PTPRR: variants seen among roughly 807,000 people sequenced by gnomAD.
The protein encoded by PTPRR is receptor-type tyrosine-protein phosphatase R.
PTPRR carries 38 observed loss-of-function variants against 77.2 expected under a neutral mutation model. That is an observed-to-expected ratio of 0.49 (90% CI 0.38 to 0.65). The LOEUF is 0.65. Ranked by LOEUF, PTPRR falls within the 30% of genes least tolerant of loss-of-function variation. PTPRR has a pLI of 0.00. For synonymous variants in PTPRR, 299 were observed against 283.1 expected, an observed-to-expected ratio of 1.06 and a Z score of -0.57; for missense variants, 744 against 799.2, an observed-to-expected ratio of 0.93 and a Z score of 0.83.
At position 70,662,549 on chromosome 12, in the gene PTPRR, C is replaced by G; in HGVS notation, c.1554G>C (p.Leu518=). Residue 518 remains leucine (L), a synonymous_variant, in exon 11 of 14, where the codon CTG becomes CTC. Coordinates refer to ENST00000283228, the MANE Select transcript of PTPRR (RefSeq NM_002849.4). ...KRGIYGKVEV[L]VISVNECDNY... ...TATCACATTCATTTACACTGATAACCAGAACCTCAACTTTTCCATATATCC... is the reference window on the plus strand; with the variant it reads ...TATCACATTCATTTACACTGATAACGAGAACCTCAACTTTTCCATATATCC... 1 of 1,612,708 alleles carries G rather than the reference C, an allele frequency of 6.2e-7. No homozygotes were observed. The highest frequency in any genetic ancestry group is 8.5e-7 in the Non-Finnish European group (1 of 1,179,196).
At chr12:70,864,362 G>C (rs1212163831) in intron 2 of PTPRR, among the ~76,000 whole-genome samples, 1 of 152,140 alleles carries the variant, frequency 6.6e-6, no homozygotes, top group Non-Finnish European at 1.5e-5. Context: ...GGAGTCCTTG[G>C]CTTAGGAATC....
chr12:70,909,063 A>G (rs1444977771), intron 1 of PTPRR, among the ~76,000 whole-genome samples: 1 of 152,168 alleles, frequency 6.6e-6, no homozygotes, highest in Non-Finnish European at 1.5e-5. Flanking sequence ...GTAAACTTCA[A>G]GACATGAAGG....
At chr12:70,855,907 A>C (rs1892643900) in intron 2 of PTPRR, among the ~76,000 whole-genome samples, 1 of 152,164 alleles carries the variant, frequency 6.6e-6, no homozygotes, top group Admixed American at 6.6e-5. Flanking sequence ...TATTATAGGT[A>C]GTTGGAGACA....
intron 2 of PTPRR, among the ~76,000 whole-genome samples, chr12:70,863,433 C>T (rs1892787101): frequency 6.6e-6 from 1 of 152,106 alleles, no homozygotes; most frequent in Admixed American, 6.6e-5. Flanking sequence ...TGTAATGTTA[C>T]ATCTATTATT....
At chr12:70,710,119 G>C (rs1327803926) in intron 6 of PTPRR, among the ~76,000 whole-genome samples, 1 of 152,090 alleles carries the variant, frequency 6.6e-6, no homozygotes, top group Admixed American at 6.6e-5. Flanking sequence ...AAAGAACAAA[G>C]CTGGAGGCAT....
intron 1 of PTPRR, among the ~76,000 whole-genome samples, chr12:70,909,232 G>A (rs542292919): frequency 6.6e-6 from 1 of 152,234 alleles, no homozygotes; most frequent in Non-Finnish European, 1.5e-5. Flanking sequence ...CTTAACCCAA[G>A]GGGAGACAGG....
chr12:70,901,857 C>T (rs1333679961), intron 1 of PTPRR, among the ~76,000 whole-genome samples: 1 of 151,598 alleles, frequency 6.6e-6, no homozygotes, highest in Non-Finnish European at 1.5e-5. Context: ...AGAAAATCTT[C>T]ACAATCTATT....
chr12:70,845,924 T>C (rs1212212365), intron 2 of PTPRR, among the ~76,000 whole-genome samples: 1 of 152,150 alleles, frequency 6.6e-6, no homozygotes, highest in African/African-American at 2.4e-5. Flanking sequence ...TGACCAATTG[T>C]TTCAGAGTGT....
At chr12:70,905,252 G>T (rs1893603758) in intron 1 of PTPRR, among the ~76,000 whole-genome samples, 1 of 151,812 alleles carries the variant, frequency 6.6e-6, no homozygotes, top group Non-Finnish European at 1.5e-5. Context: ...TGTGTAGAAG[G>T]AGATGAAGTC....
chr12:70,727,190 T>C (rs1156511909), intron 6 of PTPRR, among the ~76,000 whole-genome samples: 1 of 151,818 alleles, frequency 6.6e-6, no homozygotes, highest in East Asian at 1.9e-4. Flanking sequence ...GGATCCTAAT[T>C]GGATGGAACT....
intron 13 of PTPRR, among the ~76,000 whole-genome samples, chr12:70,645,786 C>T (rs935296109): frequency 2.6e-5 from 4 of 151,838 alleles, no homozygotes; most frequent in Non-Finnish European, 4.4e-5. Context: ...CAGAACAGCA[C>T]GTAGCTGTGT....
At chr12:70,880,028 CT>C (rs1432923302) in intron 2 of PTPRR, among the ~76,000 whole-genome samples, 2 of 152,086 alleles carry the variant, frequency 1.3e-5, no homozygotes, top group African/African-American at 4.8e-5. Context: ...AATCATGATT[CT>C]CTGCATTTAA....
intron 10 of PTPRR, among the ~76,000 whole-genome samples, chr12:70,665,700 G>A (rs1592649873): frequency 6.6e-6 from 1 of 151,502 alleles, no homozygotes; most frequent in South Asian, 2.1e-4. Context: ...ATATTTTTGT[G>A]ATCTTTTTTC....
chr12:70,889,551 A>C (rs1893298401), intron 2 of PTPRR, among the ~76,000 whole-genome samples: 1 of 152,188 alleles, frequency 6.6e-6, no homozygotes, highest in Admixed American at 6.5e-5. Context: ...CACAGAAACA[A>C]TAGAATGTCT....
intron 6 of PTPRR, among the ~76,000 whole-genome samples, chr12:70,726,425 T>C (rs1471224559): frequency 4.6e-5 from 7 of 152,078 alleles, no homozygotes; most frequent in Non-Finnish European, 8.8e-5. Context: ...CCTGCAGCCA[T>C]GGTTTTCCTT....
At chr12:70,784,352 C>T (rs1420433486) in intron 2 of PTPRR, among the ~76,000 whole-genome samples, 2 of 152,236 alleles carry the variant, frequency 1.3e-5, no homozygotes, top group African/African-American at 4.8e-5. Context: ...CCTGGCCATG[C>T]CCCCTGGCAG....
chr12:70,875,716 T>C, intron 2 of PTPRR, among the ~76,000 whole-genome samples: 1 of 151,762 alleles, frequency 6.6e-6, no homozygotes, highest in East Asian at 1.9e-4. Flanking sequence ...CAAAACAATT[T>C]TTAAAAAAAG....
chr12:70,862,472 C>T (rs1277074328), intron 2 of PTPRR, among the ~76,000 whole-genome samples: 2 of 151,336 alleles, frequency 1.3e-5, no homozygotes, highest in African/African-American at 2.4e-5. Flanking sequence ...TCATCATTCT[C>T]AGTAAACTAT....
intron 2 of PTPRR, among the ~76,000 whole-genome samples, chr12:70,818,940 A>C (rs146501841): frequency 2.0e-5 from 3 of 152,344 alleles, no homozygotes; most frequent in Admixed American, 6.5e-5. Flanking sequence ...TAAATTCTAC[A>C]AACATGTACA....
Sources: gnomAD v4.1 joint callset for allele counts (sites outside exome capture counted in the v4.1 genomes callset) on GRCh38, gnomAD v4.1.1 for gene constraint, MANE v1.5 for transcripts, NCBI Gene and HGNC (gene_info 2026-07-23, HGNC 2026-07-21) for gene names.